The following FSHR variants were observed in gnomAD, a reference collection of about 807,000 sequenced individuals.
FSHR encodes follicle-stimulating hormone receptor.
A neutral mutation model predicts 52.1 loss-of-function variants in FSHR; 46 were observed. The ratio of observed to expected loss-of-function variants is 0.88; its 90% CI spans 0.70 to 1.13. The LOEUF is 1.13. FSHR is among the 50% of genes most tolerant of loss of function. FSHR has a pLI of 0.00. For synonymous variants in FSHR, 399 were observed against 309.6 expected (o/e 1.29, Z -3.03); for missense variants, 964 against 834.6 (o/e 1.16, Z -1.91).
At chr2:49,106,553 C>T (rs949187874) in intron 1 of FSHR, among the ~76,000 whole-genome samples, 3 of 152,146 alleles carry the variant, frequency 2.0e-5, no homozygotes, top group Admixed American at 2.0e-4. Flanking sequence ...AGAAGAAAGA[C>T]ATATTTTACC....
At chr2:49,125,810 C>T (rs1247762257) in intron 1 of FSHR, among the ~76,000 whole-genome samples, 1 of 152,206 alleles carries the variant, frequency 6.6e-6, no homozygotes, top group Non-Finnish European at 1.5e-5. Context: ...CCTAACTCCA[C>T]AGTCTTGCCA....
At chr2:49,140,682 C>A (rs1033088026) in intron 1 of FSHR, among the ~76,000 whole-genome samples, 1 of 149,042 alleles carries the variant, frequency 6.7e-6, no homozygotes, top group Non-Finnish European at 1.5e-5. Flanking sequence ...CCAGCCTGGG[C>A]GACAGAGTGA....
intron 1 of FSHR, among the ~76,000 whole-genome samples, chr2:49,129,163 A>G (rs1010310247): frequency 6.6e-5 from 10 of 152,028 alleles, no homozygotes; most frequent in Admixed American, 2.6e-4. Flanking sequence ...CAGCCCAGTA[A>G]ATACCACTGC....
Position 49,008,915 on chromosome 2 carries a change from T to C in FSHR, c.374+8574A>G, listed in dbSNP as rs973328538. On this transcript the variant is annotated intron_variant, in intron 4 of 9. Transcript: ENST00000406846. ...TAAATTTGTTTGAGTTCATTGTAGATTCTGGATACTAGCCCTTTGTCAGAT... is the reference window on the plus strand; with the variant it reads ...TAAATTTGTTTGAGTTCATTGTAGACTCTGGATACTAGCCCTTTGTCAGAT... 3.3e-5 allele frequency among the ~76,000 whole-genome samples: 5 copies of C among 152,058 alleles called. No individual in the cohort carries two copies. The South Asian group carries it at 8.3e-4, about 25-fold the overall frequency.
chr2:49,098,927 G>A (rs2103716380), intron 1 of FSHR, among the ~76,000 whole-genome samples: 1 of 138,668 alleles, frequency 7.2e-6, no homozygotes, highest in Non-Finnish European at 1.5e-5. Flanking sequence ...ATATATATCT[G>A]CAACACACAA....
At chr2:49,099,839 T>G (rs922354141) in intron 1 of FSHR, among the ~76,000 whole-genome samples, 1 of 152,156 alleles carries the variant, frequency 6.6e-6, no homozygotes, top group Admixed American at 6.6e-5. Flanking sequence ...ACCCTAAGTT[T>G]AGCGTTCTAA....
chr2:49,012,049 C>A (rs146493274), intron 4 of FSHR, among the ~76,000 whole-genome samples: 1 of 151,998 alleles, frequency 6.6e-6, no homozygotes. Context: ...TAACAGGCAT[C>A]ATAAGGAGGT....
chr2:49,099,742 T>C (rs1002373404), intron 1 of FSHR, among the ~76,000 whole-genome samples: 31 of 152,114 alleles, frequency 2.0e-4, no homozygotes, highest in African/African-American at 7.5e-4. Flanking sequence ...AAACATGGAA[T>C]GCCAAAGATT....
At chr2:49,153,629 G>C (rs1167436141) in intron 1 of FSHR, among the ~76,000 whole-genome samples, 1 of 152,122 alleles carries the variant, frequency 6.6e-6, no homozygotes, top group Non-Finnish European at 1.5e-5. Context: ...TGTTAAAATA[G>C]TTAAGTAAAT....
intron 4 of FSHR, among the ~76,000 whole-genome samples, chr2:49,006,575 T>C (rs943027135): frequency 1.3e-5 from 2 of 152,044 alleles, no homozygotes; most frequent in African/African-American, 4.8e-5. Context: ...CTTTTATGTC[T>C]CTCCAAATCA....
intron 2 of FSHR, among the ~76,000 whole-genome samples, chr2:49,030,048 A>G (rs965672136): frequency 6.6e-6 from 1 of 152,120 alleles, no homozygotes; most frequent in Non-Finnish European, 1.5e-5. Flanking sequence ...CGGCAGACCT[A>G]TCAGGGAGTA....
intron 4 of FSHR, among the ~76,000 whole-genome samples, chr2:48,996,744 A>T (rs13011582): frequency 6.6e-6 from 1 of 151,906 alleles, no homozygotes; most frequent in Non-Finnish European, 1.5e-5. Context: ...ATGTCAAGAC[A>T]CTCAAATTTT....
chr2:48,996,690 C>T lies in FSHR; in HGVS notation c.375-6053G>A, dbSNP rs114112880. 4.8e-3 allele frequency among the ~76,000 whole-genome samples: 724 copies of T among 152,112 alleles called. 6 individuals carry two copies. The highest frequency in any genetic ancestry group is 0.016 in the African/African-American group (662 of 41,498). On this transcript the variant is annotated intron_variant, in intron 4 of 9. Coordinates refer to ENST00000406846, the MANE Select transcript of FSHR (RefSeq NM_000145.4). ...TTGATTTTCAGCATGACAGCTGAAA[C>T]GAGGTGGCAGAATGCAGAGTCATTC...
At chr2:49,005,703 T>C (rs1400652204) in intron 4 of FSHR, among the ~76,000 whole-genome samples, 1 of 152,136 alleles carries the variant, frequency 6.6e-6, no homozygotes, top group Admixed American at 6.5e-5. Flanking sequence ...AGTGATTCTG[T>C]TTTAGAAATG....
chr2:48,992,970 C>T (rs188750333), intron 4 of FSHR, among the ~76,000 whole-genome samples: 126 of 152,190 alleles, frequency 8.3e-4, no homozygotes, highest in Non-Finnish European at 1.5e-3. Context: ...TTTATTAGGC[C>T]TCTCTGGATC....
chr2:49,088,831 T>C (rs1462089430), intron 1 of FSHR, among the ~76,000 whole-genome samples: 1 of 142,976 alleles, frequency 7.0e-6, no homozygotes, highest in African/African-American at 2.6e-5. Context: ...AGCTGATCAC[T>C]ACTCCATGAA....
At chr2:49,061,727 A>ATATATATT in intron 2 of FSHR, among the ~76,000 whole-genome samples, 4 of 135,448 alleles carry the variant, frequency 3.0e-5, no homozygotes, top group South Asian at 2.3e-4. Context: ...TATATATAAA[A>ATATATATT]ATATATAGCT....
At chr2:49,055,400 T>G (rs1669018686) in intron 2 of FSHR, among the ~76,000 whole-genome samples, 1 of 150,866 alleles carries the variant, frequency 6.6e-6, no homozygotes, top group Non-Finnish European at 1.5e-5. Flanking sequence ...GTTAACCAAA[T>G]AAATATTCAT....
intron 4 of FSHR, among the ~76,000 whole-genome samples, chr2:49,014,370 A>G (rs1049546368): frequency 6.6e-6 from 1 of 152,122 alleles, no homozygotes. Flanking sequence ...GGACTACTCA[A>G]CACCCCAAAG....
Sources: allele counts gnomAD v4.1 joint callset (sites outside exome capture counted in the v4.1 genomes callset), GRCh38; gene constraint gnomAD v4.1.1; transcripts MANE v1.5; gene names NCBI Gene and HGNC (gene_info 2026-07-23, HGNC 2026-07-21).